UPF2: variants seen among roughly 807,000 people sequenced by gnomAD.
UPF2 encodes the protein regulator of nonsense transcripts 2.
UPF2 carries 17 observed loss-of-function variants against 141.4 expected under a neutral mutation model. That is an observed-to-expected ratio of 0.12 (90% CI 0.08 to 0.18). The LOEUF (loss-of-function observed/expected upper bound fraction) is 0.18, where lower values mean the gene tolerates loss of function less well. Among genes scored for constraint, UPF2 ranks in the 10% least tolerant of loss-of-function variants. The probability of loss-of-function intolerance (pLI) is 1.00; values close to 1 mark genes in which losing one functional copy is unlikely to be tolerated. For synonymous variants in UPF2, 540 were observed against 498.0 expected (o/e 1.08, Z -1.12); for missense variants, 1,152 against 1,515.9 (o/e 0.76, Z 3.99).
intron 12 of UPF2, among the ~76,000 whole-genome samples, chr10:11,957,218 CA>C (rs1833166422): frequency 6.6e-6 from 1 of 151,944 alleles, no homozygotes; most frequent in South Asian, 2.1e-4. Flanking sequence ...AATCTGAGGT[CA>C]GGAGTTCGAG....
At chr10:11,937,940 TA>T (rs932397207) in intron 18 of UPF2, among the ~76,000 whole-genome samples, 1 of 152,208 alleles carries the variant, frequency 6.6e-6, no homozygotes, top group Non-Finnish European at 1.5e-5. Flanking sequence ...TCCTTGATTA[TA>T]AAATTAACAT....
intron 8 of UPF2, among the ~76,000 whole-genome samples, chr10:11,988,962 G>T (rs1564357478): frequency 1.3e-5 from 2 of 152,150 alleles, no homozygotes; most frequent in African/African-American, 4.8e-5. Context: ...TCTACTCCAG[G>T]CTCCCTAGGG....
At chr10:11,968,164 A>G (rs1833353988) in intron 9 of UPF2, among the ~76,000 whole-genome samples, 1 of 152,068 alleles carries the variant, frequency 6.6e-6, no homozygotes, top group Admixed American at 6.5e-5. Flanking sequence ...GGGTGACAAG[A>G]GCAAGACTCC....
intron 6 of UPF2, among the ~76,000 whole-genome samples, chr10:12,001,253 A>G (rs1564361918): frequency 1.3e-5 from 2 of 152,198 alleles, no homozygotes; most frequent in East Asian, 3.9e-4. Context: ...ATCTCTACTA[A>G]AAATACAAAA....
intron 3 of UPF2, among the ~76,000 whole-genome samples, chr10:12,023,755 C>T (rs947717551): frequency 6.6e-6 from 1 of 150,434 alleles, no homozygotes; most frequent in East Asian, 2.0e-4. Context: ...CTGTGGGAGG[C>T]TCAGGCAGGC....
At chr10:11,927,685 T>C (rs1333973571) in intron 21 of UPF2, among the ~76,000 whole-genome samples, 1 of 152,106 alleles carries the variant, frequency 6.6e-6, no homozygotes, top group African/African-American at 2.4e-5. Flanking sequence ...ATTAGATGGG[T>C]TTACAGGTCA....
intron 1 of UPF2, among the ~76,000 whole-genome samples, chr10:12,039,555 A>T (rs1834696722): frequency 6.6e-6 from 1 of 152,106 alleles, no homozygotes; most frequent in African/African-American, 2.4e-5. Flanking sequence ...TCAACAAGTA[A>T]CATTTCAGGA....
chr10:11,945,137 T>C (rs546076458), intron 16 of UPF2, among the ~76,000 whole-genome samples: 11 of 152,362 alleles, frequency 7.2e-5, no homozygotes, highest in South Asian at 2.1e-4. Flanking sequence ...CTAGAGAATA[T>C]TGGAGTTATC....
At chr10:11,961,017 G>A (rs1359299958) in intron 11 of UPF2, among the ~76,000 whole-genome samples, 2 of 150,474 alleles carry the variant, frequency 1.3e-5, no homozygotes, top group Non-Finnish European at 3.0e-5. Flanking sequence ...TTGAGCCCAG[G>A]AGTTGGAGGC....
At chr10:11,967,281 C>T in intron 10 of UPF2, 60 bp downstream of exon 10, 2 of 962,950 alleles carry the variant, frequency 2.1e-6, no homozygotes, top group South Asian at 2.1e-5. Context: ...CTTTATCCAC[C>T]ATTTATAATT....
intron 4 of UPF2, among the ~76,000 whole-genome samples, chr10:12,010,989 AT>A (rs945713616): frequency 6.6e-6 from 1 of 151,866 alleles, no homozygotes. Context: ...TGAAAAAAAA[AT>A]TTTTTTTAAG....
At position 11,956,221 on chromosome 10, in the gene UPF2, A is replaced by T. The variant is rs1564343819; in HGVS notation, c.2574+99T>A. 1 of 1,103,374 alleles carries T rather than the reference A, an allele frequency of 9.1e-7. No individual in the cohort carries two copies. The highest frequency in any genetic ancestry group is 1.3e-6 in the Non-Finnish European group (1 of 754,382). The allele number at this position is 1,103,374 out of a possible 1,614,324, so 68.3% of individuals were successfully genotyped here. On this transcript the variant is annotated intron_variant, in intron 13 of 21. Coordinates refer to ENST00000357604, the MANE Select transcript of UPF2 (RefSeq NM_015542.4). The surrounding 1 kb of genome is among the most constrained non-coding windows in gnomAD (Gnocchi z 4.2). ...GATTATCAGCTTTTTCTAACTAATA[A>T]ATTTACAGATTCCTATAACTTGAGT... is the stretch of plus-strand genomic sequence containing the variant.
intron 2 of UPF2, among the ~76,000 whole-genome samples, chr10:12,030,710 C>T (rs777487304): frequency 8.2e-4 from 124 of 150,494 alleles, no homozygotes; most frequent in Non-Finnish European, 4.7e-4. Context: ...GGTGAAACGC[C>T]ATCTCTACTA....
At chr10:11,969,476 T>C (rs1833379141) in intron 9 of UPF2, among the ~76,000 whole-genome samples, 1 of 152,020 alleles carries the variant, frequency 6.6e-6, no homozygotes, top group Non-Finnish European at 1.5e-5. Flanking sequence ...AGCCAGAACT[T>C]TTTTTTAATG....
At chr10:11,958,520 T>C (rs764700028) in intron 12 of UPF2, among the ~76,000 whole-genome samples, 21 of 152,244 alleles carry the variant, frequency 1.4e-4, no homozygotes, top group Non-Finnish European at 2.6e-4. Flanking sequence ...TGGTTTCAAT[T>C]TTCAAACCTG....
rs1034668854 is a variant in UPF2 at position 12,024,348 on chromosome 10, G to A, written c.1145+4397C>T. 3.3e-5 allele frequency among the ~76,000 whole-genome samples: 5 copies of A among 152,094 alleles called. No homozygotes were observed. In the South Asian group the frequency reaches 1.0e-3, roughly 32 times the overall value. On this transcript the variant is annotated intron_variant, in intron 3 of 21. Coordinates refer to ENST00000357604, the MANE Select transcript of UPF2 (RefSeq NM_015542.4). ...ATGGGGGGTGGGCACAGTGGCTGAC[G>A]CCTATAATCCCAGCACTTTGGGAGA...
intron 1 of UPF2, among the ~76,000 whole-genome samples, chr10:12,040,035 TC>T (rs1834707974): frequency 6.6e-6 from 1 of 152,194 alleles, no homozygotes; most frequent in Non-Finnish European, 1.5e-5. Context: ...TTCAACAAAG[TC>T]CCAAACTTTC....
intron 8 of UPF2, among the ~76,000 whole-genome samples, chr10:11,982,539 G>C (rs1833616098): frequency 1.3e-5 from 2 of 152,182 alleles, no homozygotes; most frequent in Admixed American, 1.3e-4. Flanking sequence ...TCCCTAAAGG[G>C]AGTCCCAGTC....
chr10:12,013,941 C>T, intron 4 of UPF2, 83 bp downstream of exon 4: 1 of 1,310,750 alleles, frequency 7.6e-7, no homozygotes, highest in East Asian at 2.8e-5. Context: ...CTTAAATTCT[C>T]AATACTGCAC....
Sources: gnomAD v4.1 joint callset for allele counts (sites outside exome capture counted in the v4.1 genomes callset) on GRCh38, gnomAD v4.1.1 for gene constraint, Gnocchi (gnomAD v3.1) non-coding constraint, MANE v1.5 for transcripts, NCBI Gene and HGNC (gene_info 2026-07-23, HGNC 2026-07-21) for gene names.